Variants in OAT observed in about 807,000 individuals in gnomAD.
OAT encodes ornithine aminotransferase.
A neutral mutation model predicts 48.4 loss-of-function variants in OAT; 35 were observed. The observed-to-expected ratio is 0.72, with a 90% CI of 0.55 to 0.96. The LOEUF is 0.96. Among genes scored for constraint, OAT ranks in the 40% least tolerant of loss-of-function variants. The probability of loss-of-function intolerance (pLI) is 0.00; values close to 1 mark genes in which losing one functional copy is unlikely to be tolerated. For synonymous variants in OAT, 182 were observed against 198.4 expected, an observed-to-expected ratio of 0.92 and a Z score of 0.70; for missense variants, 438 against 537.9, an observed-to-expected ratio of 0.81 and a Z score of 1.84.
intron 9 of OAT, among the ~76,000 whole-genome samples, chr10:124,398,918 G>A (rs562726530): frequency 6.6e-6 from 1 of 152,236 alleles, no homozygotes; most frequent in African/African-American, 2.4e-5. Flanking sequence ...TCAGGAGGCT[G>A]AGGCAGGAGA....
chr10:124,401,807 CATG>C lies in OAT; in HGVS notation c.930_932del (p.Ile310del). 6.2e-7 allele frequency: 1 copy of C among 1,613,284 alleles called. No individual in the cohort carries two copies. The highest frequency in any genetic ancestry group is 8.5e-7 in the Non-Finnish European group (1 of 1,179,806). On this transcript the variant is annotated inframe_deletion, in exon 8 of 10. Transcript: ENST00000368845. ...CATGCTCCCCTGGCTTAATGGTCAG[CATG>C]ATGTCATCATCACACAGCACTGCAG...
intron 9 of OAT, among the ~76,000 whole-genome samples, chr10:124,399,335 A>ATGTT (rs1951331007): frequency 1.0e-5 from 1 of 100,376 alleles, no homozygotes; most frequent in African/African-American, 3.6e-5. Context: ...TCCCCAGGTG[A>ATGTT]TTCTTTTTTT....
intron 2 of OAT, among the ~76,000 whole-genome samples, chr10:124,409,674 C>A (rs1039599074): frequency 5.3e-5 from 8 of 151,960 alleles, no homozygotes; most frequent in African/African-American, 1.7e-4. Flanking sequence ...ATTTGTAAAT[C>A]ATGTGTCTGA....
chr10:124,399,087 G>A (rs576946545), intron 9 of OAT, among the ~76,000 whole-genome samples: 2 of 151,930 alleles, frequency 1.3e-5, no homozygotes, highest in African/African-American at 4.8e-5. Flanking sequence ...AAAAGAACTT[G>A]GGTATGATAC....
intron 2 of OAT, among the ~76,000 whole-genome samples, chr10:124,410,505 T>C (rs1049216379): frequency 1.3e-5 from 2 of 152,228 alleles, no homozygotes; most frequent in Non-Finnish European, 2.9e-5. Context: ...AATTACTCTA[T>C]GGTTATAAAA....
At chr10:124,398,737 C>G (rs1951309837) in intron 9 of OAT, among the ~76,000 whole-genome samples, 1 of 150,900 alleles carries the variant, frequency 6.6e-6, no homozygotes, top group Non-Finnish European at 1.5e-5. Context: ...TGGGTATAGG[C>G]TGGATGCAGT....
chr10:124,411,557 C>T (rs779377049), intron 2 of OAT, among the ~76,000 whole-genome samples: 2 of 152,178 alleles, frequency 1.3e-5, no homozygotes, highest in Non-Finnish European at 2.9e-5. Context: ...GTGGCTCACA[C>T]CTGTAATCCC....
In OAT at chr10:124,402,963, G is replaced by C. The variant is rs1951455108; in HGVS notation, c.864C>G (p.Val288=). 1.1e-5 allele frequency: 18 copies of C among 1,614,106 alleles called. No individual in the cohort carries two copies. Among genetic ancestry groups the C allele is most frequent in the Non-Finnish European group, 1.5e-5 (18 of 1,179,990 alleles). Residue 288 remains valine, a synonymous_variant, in exon 7 of 10, where the codon GTC becomes GTG. Coordinates refer to ENST00000368845, the MANE Select transcript of OAT (RefSeq NM_000274.4). ...VDYENVRPDI[V]LLGKALSGGL... ...CCCCAGAAAGGGCCTTTCCAAGGAG[G>C]ACTATATCAGGTCTGACATTTTCAT...
intron 5 of OAT, 21 bp downstream of exon 5, chr10:124,405,415 A>C (rs1367722585): frequency 6.2e-7 from 1 of 1,612,926 alleles, no homozygotes; most frequent in Non-Finnish European, 8.5e-7. Context: ...TGAGCTGAGC[A>C]CTATGATGCT....
chr10:124,404,988 G>A (rs1257655734), intron 5 of OAT, among the ~76,000 whole-genome samples: 1 of 152,202 alleles, frequency 6.6e-6, no homozygotes, highest in Non-Finnish European at 1.5e-5. Context: ...AGTTTGCAGT[G>A]AGACGAGATT....
At chr10:124,413,333 C>A (rs1430633595) in intron 1 of OAT, among the ~76,000 whole-genome samples, 1 of 148,782 alleles carries the variant, frequency 6.7e-6, no homozygotes, top group African/African-American at 2.5e-5. Context: ...CCAAACAAAA[C>A]AATCTATTCT....
chr10:124,412,502 C>T (rs1449922513), intron 1 of OAT, among the ~76,000 whole-genome samples: 1 of 151,130 alleles, frequency 6.6e-6, no homozygotes, highest in Non-Finnish European at 1.5e-5. Context: ...AAAGAAAGGC[C>T]CAGTCTCAAG....
At position 124,418,909 on chromosome 10, in the gene OAT, T is replaced by G. The variant is rs1387021384; in HGVS notation, c.-66A>C. 6.6e-6 allele frequency: 1 copy of G among 151,968 alleles called. No homozygotes were observed. Among genetic ancestry groups the G allele is most frequent in the Non-Finnish European group, 1.5e-5 (1 of 68,054 alleles). 9.4% of individuals were successfully genotyped at this position (151,968 alleles called of 1,614,324 possible). A position where few individuals can be genotyped will look rare whatever the true frequency, so the allele number is the denominator to read the frequency against. On this transcript the variant is annotated 5_prime_UTR_variant, in exon 1 of 10. Coordinates refer to ENST00000368845, the MANE Select transcript of OAT (RefSeq NM_000274.4). ...TGAGGACAACCGGGTACACGCGGCGTCTATGAAGCGCAACAGTGACGCCGG... is the reference window on the plus strand; with the variant it reads ...TGAGGACAACCGGGTACACGCGGCGGCTATGAAGCGCAACAGTGACGCCGG...
Position 124,400,855 on chromosome 10 carries a change from T to C in OAT, c.1144A>G (p.Ile382Val), listed in dbSNP as rs754645902. 5 of 1,603,434 alleles carry C rather than the reference T, an allele frequency of 3.1e-6. No individual in the cohort carries two copies. The highest frequency in any genetic ancestry group is 2.7e-5 in the African/African-American group (2 of 74,814). Residue 382 changes from isoleucine to valine, a missense_variant, in exon 9 of 10, where the codon ATT becomes GTT. Physicochemically the swap from Ile to Val is conservative, Grantham distance 29. Coordinates refer to ENST00000368845, the MANE Select transcript of OAT (RefSeq NM_000274.4). ...ATCTCCATACCTTTGGTTTCTTTAA[T>C]GACAATAGCGTTTAATAATCCTTTT... is the stretch of plus-strand genomic sequence containing the variant. ...RGKGLLNAIV[I>V]KETKDWDAWK... is the part of the protein sequence containing the mutation.
intron 4 of OAT, among the ~76,000 whole-genome samples, chr10:124,406,408 T>C (rs899207604): frequency 3.3e-5 from 5 of 152,044 alleles, no homozygotes; most frequent in Non-Finnish European, 7.4e-5. Flanking sequence ...CAAGAATCGC[T>C]TGAACCCAGG....
At chr10:124,402,196 G>A (rs74547689) in intron 7 of OAT, among the ~76,000 whole-genome samples, 4,605 of 152,106 alleles carry the variant, frequency 0.03, 236 homozygotes, top group African/African-American at 0.1. Flanking sequence ...CACCACACCC[G>A]GCCAAGAAAC....
intron 4 of OAT, chr10:124,405,996 C>A: frequency 9.3e-7 from 1 of 1,074,314 alleles, no homozygotes; most frequent in Non-Finnish European, 1.1e-6. Flanking sequence ...AACTCCAATA[C>A]TGCAGGCTAA....
At chr10:124,400,798 T>C (rs760422120) in intron 9 of OAT, 42 bp downstream of exon 9, 10 of 1,447,746 alleles carry the variant, frequency 6.9e-6, no homozygotes, top group African/African-American at 2.8e-5. Flanking sequence ...ATTTTAGGTC[T>C]TCCTTAAAAA....
chr10:124,401,627 A>G, intron 8 of OAT, 99 bp downstream of exon 8: 1 of 796,682 alleles, frequency 1.3e-6, no homozygotes, highest in East Asian at 2.6e-5. Flanking sequence ...AATATTTGGC[A>G]TTCTTATTGA....
Sources: gnomAD v4.1 joint callset for allele counts (sites outside exome capture counted in the v4.1 genomes callset) on GRCh38, gnomAD v4.1.1 for gene constraint, MANE v1.5 for transcripts, NCBI Gene and HGNC (gene_info 2026-07-23, HGNC 2026-07-21) for gene names.